IQCJ: variants seen among roughly 807,000 people sequenced by gnomAD.
IQCJ encodes the protein IQ domain-containing protein J.
IQCJ carries 9 observed loss-of-function variants against 11.0 expected under a neutral mutation model. That is an observed-to-expected ratio of 0.82 (90% CI 0.49 to 1.43). The LOEUF is 1.43. IQCJ is among the 40% of genes most tolerant of loss of function. The pLI is 0.00. For missense variants in IQCJ, 146 were observed against 133.2 expected (o/e 1.10, Z -0.47); for synonymous variants, 55 against 51.3 (o/e 1.07, Z -0.31).
chr3:159,234,374 C>T (rs546078042), intron 1 of IQCJ, among the ~76,000 whole-genome samples: 20 of 152,310 alleles, frequency 1.3e-4, no homozygotes, highest in Non-Finnish European at 2.4e-4. Context: ...TATAAAATCA[C>T]ATTTCAAATG....
intron 1 of IQCJ, among the ~76,000 whole-genome samples, chr3:159,187,683 T>C (rs1723450505): frequency 6.6e-6 from 1 of 152,238 alleles, no homozygotes; most frequent in East Asian, 1.9e-4. Flanking sequence ...GCTCGAAGGA[T>C]GGCACCAGGG....
At chr3:159,181,902 A>G (rs1203553079) in intron 1 of IQCJ, among the ~76,000 whole-genome samples, 2 of 149,358 alleles carry the variant, frequency 1.3e-5, no homozygotes, top group Admixed American at 6.6e-5. Context: ...AGAGTGAACA[A>G]TTTAATAAGA....
intron 1 of IQCJ, among the ~76,000 whole-genome samples, chr3:159,120,430 G>A (rs1719299728): frequency 6.6e-6 from 1 of 152,208 alleles, no homozygotes; most frequent in African/African-American, 2.4e-5. Context: ...ATAAACTAGT[G>A]TGGTGAATCT....
chr3:159,232,758 T>A (rs1449372430), intron 1 of IQCJ, among the ~76,000 whole-genome samples: 1 of 152,198 alleles, frequency 6.6e-6, no homozygotes, highest in African/African-American at 2.4e-5. Context: ...CAGAGCTGAG[T>A]TCCAGTCCTG....
chr3:159,213,572 G>A (rs1009675689), intron 1 of IQCJ, among the ~76,000 whole-genome samples: 1 of 152,128 alleles, frequency 6.6e-6, no homozygotes, highest in African/African-American at 2.4e-5. Flanking sequence ...ACTTGTTTAT[G>A]CTTCATATTG....
At chr3:159,172,270 C>T (rs201372532) in intron 1 of IQCJ, among the ~76,000 whole-genome samples, 7 of 151,744 alleles carry the variant, frequency 4.6e-5, no homozygotes, top group South Asian at 2.1e-4. Flanking sequence ...ATGATAGCTG[C>T]GAAAGTTAGC....
chr3:159,128,958 T>A (rs184510093), intron 1 of IQCJ, among the ~76,000 whole-genome samples: 1 of 152,234 alleles, frequency 6.6e-6, no homozygotes, highest in East Asian at 1.9e-4. Context: ...GAACTCTATT[T>A]CTTTTTTTTA....
At chr3:159,121,610 C>A (rs1317632851) in intron 1 of IQCJ, among the ~76,000 whole-genome samples, 1 of 152,154 alleles carries the variant, frequency 6.6e-6, no homozygotes, top group African/African-American at 2.4e-5. Flanking sequence ...CTGCTGGGAT[C>A]TTTTATAACT....
chr3:159,163,440 A>C (rs935779664), intron 1 of IQCJ, among the ~76,000 whole-genome samples: 1 of 152,200 alleles, frequency 6.6e-6, no homozygotes, highest in Non-Finnish European at 1.5e-5. Context: ...AATAAGAGCT[A>C]TCTATGACAA....
Position 159,262,782 on chromosome 3 carries a change from T to C in IQCJ, c.*51T>C. On this transcript the variant is annotated 3_prime_UTR_variant, in exon 4 of 4. Transcript: ENST00000397832. ...GAAATCTTGGGATGTGAGCAGGTGG[T>C]TTGTGACAGTGAAGATCTATGTAGC... 6.3e-7 allele frequency: 1 copy of C among 1,578,150 alleles called. No homozygotes were observed. Among genetic ancestry groups the C allele is most frequent in the Non-Finnish European group, 8.6e-7 (1 of 1,158,836 alleles).
chr3:159,201,427 T>C (rs1724323736), intron 1 of IQCJ, among the ~76,000 whole-genome samples: 1 of 152,108 alleles, frequency 6.6e-6, no homozygotes, highest in Admixed American at 6.6e-5. Flanking sequence ...AGAAAAAACA[T>C]TATCAATATT....
chr3:159,082,846 C>T (rs550425620), intron 1 of IQCJ, among the ~76,000 whole-genome samples: 40 of 152,010 alleles, frequency 2.6e-4, no homozygotes, highest in Non-Finnish European at 4.1e-4. Context: ...AGAGGGAGAC[C>T]CACAGGCTCT....
chr3:159,264,174 C>T (rs552289299), downstream of IQCJ, among the ~76,000 whole-genome samples: 2 of 152,168 alleles, frequency 1.3e-5, no homozygotes, highest in East Asian at 3.8e-4. Flanking sequence ...CCCCAATTCA[C>T]GACAATTCTC....
intron 1 of IQCJ, among the ~76,000 whole-genome samples, chr3:159,165,817 G>C (rs761060987): frequency 2.4e-5 from 3 of 123,470 alleles, no homozygotes; most frequent in Non-Finnish European, 5.0e-5. Context: ...TTTTAGTAAA[G>C]ACAGGGTTTC....
intron 1 of IQCJ, among the ~76,000 whole-genome samples, chr3:159,175,122 T>C (rs1006296289): frequency 1.3e-5 from 2 of 152,206 alleles, no homozygotes. Context: ...AATTTTAATG[T>C]ACGATTCTAT....
intron 1 of IQCJ, among the ~76,000 whole-genome samples, chr3:159,239,580 C>T (rs1332472617): frequency 6.6e-6 from 1 of 152,142 alleles, no homozygotes; most frequent in Non-Finnish European, 1.5e-5. Context: ...AAATTACAAC[C>T]TAAAAATTAA....
At chr3:159,255,465 G>C (rs997240434) in intron 3 of IQCJ, among the ~76,000 whole-genome samples, 3 of 152,218 alleles carry the variant, frequency 2.0e-5, no homozygotes, top group Non-Finnish European at 4.4e-5. Flanking sequence ...GGTCAGAATA[G>C]CAGGAAAGGG....
chr3:159,095,289 G>A (rs1484566490), intron 1 of IQCJ, among the ~76,000 whole-genome samples: 1 of 151,692 alleles, frequency 6.6e-6, no homozygotes, highest in African/African-American at 2.4e-5. Flanking sequence ...TCTTATTCCT[G>A]TATGCTTGAT....
At chr3:159,166,758 A>G (rs2108230105) in intron 1 of IQCJ, among the ~76,000 whole-genome samples, 1 of 152,284 alleles carries the variant, frequency 6.6e-6, no homozygotes, top group East Asian at 1.9e-4. Flanking sequence ...GGATCCCTCT[A>G]ATCAGCCAGT....
Sources: gnomAD v4.1 joint callset for allele counts (sites outside exome capture counted in the v4.1 genomes callset) on GRCh38, gnomAD v4.1.1 for gene constraint, MANE v1.5 for transcripts, NCBI Gene and HGNC (gene_info 2026-07-23, HGNC 2026-07-21) for gene names.